The following RMDN1 variants were observed in gnomAD, a reference collection of about 807,000 sequenced individuals.
RMDN1 encodes the protein regulator of microtubule dynamics protein 1.
In RMDN1, 48 loss-of-function variants were observed where a neutral mutation model predicts 48.9. The observed-to-expected ratio is 0.98, with a 90% CI of 0.78 to 1.25. The LOEUF (loss-of-function observed/expected upper bound fraction) is 1.25, where lower values mean the gene tolerates loss of function less well. Ranked by LOEUF, RMDN1 falls within the 50% of genes most tolerant of loss-of-function variation. RMDN1 has a pLI of 0.00. For synonymous variants in RMDN1, 148 were observed against 132.6 expected (o/e 1.12, Z -0.80); for missense variants, 418 against 373.4 (o/e 1.12, Z -0.98).
intron 2 of RMDN1, among the ~76,000 whole-genome samples, chr8:86,496,630 C>A (rs1003361177): frequency 6.6e-6 from 1 of 152,098 alleles, no homozygotes; most frequent in Non-Finnish European, 1.5e-5. Context: ...TTGGAGCACG[C>A]GGATTAATAA....
downstream of RMDN1, chr8:86,468,601 T>C: frequency 4.5e-6 from 2 of 446,140 alleles, no homozygotes; most frequent in South Asian, 3.2e-5. Flanking sequence ...ATTGTAGGTA[T>C]GATTTAGCAG....
intron 2 of RMDN1, chr8:86,503,789 A>T (rs1345752149): frequency 3.9e-6 from 2 of 511,426 alleles, no homozygotes; most frequent in African/African-American, 1.9e-5. Context: ...CATATTCTCC[A>T]TTGTTGGTAT....
chr8:86,510,849 G>A (rs900174651), upstream of RMDN1, among the ~76,000 whole-genome samples: 14 of 152,192 alleles, frequency 9.2e-5, no homozygotes, highest in African/African-American at 2.9e-4. Context: ...TAGGCTGGGC[G>A]TAGTGGCTCA....
At chr8:86,479,115 T>A in intron 6 of RMDN1, 105 bp from the exon 7 acceptor site, 1 of 801,658 alleles carries the variant, frequency 1.2e-6, no homozygotes. Flanking sequence ...ACTGTATGTT[T>A]AAACAACTTG....
At chr8:86,482,882 G>A (rs972829205) in intron 5 of RMDN1, 2 of 1,129,978 alleles carry the variant, frequency 1.8e-6, no homozygotes, top group African/African-American at 1.5e-5. Context: ...TGGGGTCCCA[G>A]TTGTTGAACA....
intron 2 of RMDN1, among the ~76,000 whole-genome samples, chr8:86,501,070 G>A (rs965363307): frequency 3.3e-5 from 5 of 152,116 alleles, no homozygotes; most frequent in Non-Finnish European, 5.9e-5. Context: ...GGAGGTAGGC[G>A]AGTGTCAAAA....
At chr8:86,514,244 T>G (rs1468002756) in exon 1 of RMDN1, 3 of 984,914 alleles carry the variant, frequency 3.0e-6, no homozygotes, top group Admixed American at 1.2e-4. Context: ...CCACTTACCT[T>G]AAAGTCAGTT....
intron 2 of RMDN1, among the ~76,000 whole-genome samples, chr8:86,501,278 G>A (rs1430295729): frequency 6.6e-6 from 1 of 152,162 alleles, no homozygotes; most frequent in Non-Finnish European, 1.5e-5. Flanking sequence ...CCCTTTCAAA[G>A]TACTGAATTT....
downstream of RMDN1, among the ~76,000 whole-genome samples, chr8:86,471,684 G>T (rs1283648127): frequency 6.6e-6 from 1 of 152,106 alleles, no homozygotes; most frequent in African/African-American, 2.4e-5. Flanking sequence ...AATGAAAAGA[G>T]CCAAGAAAAT....
chr8:86,482,329 G>A (rs181015024), intron 5 of RMDN1: 1 of 316,770 alleles, frequency 3.2e-6, no homozygotes, highest in African/African-American at 2.2e-5. Flanking sequence ...TTGAACCCTG[G>A]AAGCAGAGGC....
chr8:86,471,967 TAGAA>T (rs1427347341), downstream of RMDN1, among the ~76,000 whole-genome samples: 1 of 152,216 alleles, frequency 6.6e-6, no homozygotes, highest in Non-Finnish European at 1.5e-5. Flanking sequence ...ATCCTGATTT[TAGAA>T]AGCATGAGAC....
upstream of RMDN1, among the ~76,000 whole-genome samples, chr8:86,513,055 TG>T (rs1287331208): frequency 2.7e-5 from 4 of 148,926 alleles, no homozygotes; most frequent in Non-Finnish European, 5.9e-5. Context: ...TTCTATTGGG[TG>T]TTTTTTTTTT....
intron 2 of RMDN1, among the ~76,000 whole-genome samples, chr8:86,489,869 T>G (rs1816202781): frequency 1.3e-5 from 2 of 151,800 alleles, no homozygotes; most frequent in Admixed American, 1.3e-4. Flanking sequence ...TTCTAGTTTT[T>G]AAAAAATTAG....
intron 2 of RMDN1, among the ~76,000 whole-genome samples, chr8:86,489,350 G>C (rs933569376): frequency 1.3e-5 from 2 of 152,058 alleles, no homozygotes; most frequent in Non-Finnish European, 2.9e-5. Context: ...TGACAGTGTA[G>C]TGCCCTAAGA....
At position 86,486,594 on chromosome 8, in the gene RMDN1, C is replaced by G. The variant is rs894848985; in HGVS notation, c.385G>C (p.Ala129Pro). 1 of 1,611,708 alleles carries G rather than the reference C, an allele frequency of 6.2e-7. No homozygotes were observed. Among genetic ancestry groups the G allele is most frequent in the Non-Finnish European group, 8.5e-7 (1 of 1,178,458 alleles). Residue 129 changes from alanine to proline, a missense_variant, in exon 4 of 10, where the codon GCT becomes CCT. Physicochemically the swap from Ala to Pro is conservative, Grantham distance 27. Transcript: ENST00000406452. ...TCTTCTGAGGTTCTGCTAAGCTGAGCTACATCACGTGATGCCCGTGCCAAA... is the reference window on the plus strand; with the variant it reads ...TCTTCTGAGGTTCTGCTAAGCTGAGGTACATCACGTGATGCCCGTGCCAAA... ...WRLARASRDV[A>P]QLSRTSEEEK...
intron 2 of RMDN1, among the ~76,000 whole-genome samples, chr8:86,490,099 C>T (rs1407898447): frequency 6.6e-6 from 1 of 151,686 alleles, no homozygotes; most frequent in Non-Finnish European, 1.5e-5. Flanking sequence ...ATTTTGCTTC[C>T]ACTCTATTCT....
rs186245598 is a variant in RMDN1, at chr8:86,514,055, C to T, written c.-4+187G>A. Reference sequence around the variant, plus strand: ...GTGGAGGGGGTCTCATTTTTTTGCCCCAGGCTGGGGCTGGTCTCCAACTCC... The same window carrying T: ...GTGGAGGGGGTCTCATTTTTTTGCCTCAGGCTGGGGCTGGTCTCCAACTCC... On this transcript the variant is annotated intron_variant, in intron 1 of 9. Coordinates refer to the RMDN1 transcript ENST00000523911. 3.0e-3 allele frequency among the ~76,000 whole-genome samples: 463 copies of T among 151,840 alleles called. 2 individuals carry two copies. Among genetic ancestry groups the T allele is most frequent in the African/African-American group, 0.011 (442 of 41,426 alleles).
downstream of RMDN1, among the ~76,000 whole-genome samples, chr8:86,471,037 A>AAT (rs1472968106): frequency 6.6e-6 from 1 of 152,138 alleles, no homozygotes; most frequent in African/African-American, 2.4e-5. Context: ...GTAAAATTTA[A>AAT]ATATAAGGTC....
At position 86,477,890 on chromosome 8, in the gene RMDN1, TA is replaced by T. The variant is rs751489584; in HGVS notation, c.730-567del. Among the ~76,000 whole-genome samples, 1,295 of 140,182 alleles carry T rather than the reference TA, an allele frequency of 9.2e-3. 2 individuals are homozygous for T. Among genetic ancestry groups the T allele is most frequent in the Non-Finnish European group, 0.011 (713 of 63,850 alleles). The allele number at this position is 140,182 out of a possible 152,430, so 92.0% of individuals were successfully genotyped here. ...TTTTTGTCCTTAAAATGACCTGTCT[TA>T]AAAAAAAAAAAAAAGAACCAGGTCT... On this transcript the variant is annotated intron_variant, in intron 7 of 9. Transcript: ENST00000406452.
Sources: allele counts gnomAD v4.1 joint callset (sites outside exome capture counted in the v4.1 genomes callset), GRCh38; gene constraint gnomAD v4.1.1; transcripts MANE v1.5; gene names NCBI Gene and HGNC (gene_info 2026-07-23, HGNC 2026-07-21).